The following DPH6 variants were observed in gnomAD, a reference collection of about 807,000 sequenced individuals.
DPH6 encodes the protein diphthamine biosynthesis 6.
Under a neutral mutation model 38.2 loss-of-function variants are expected in DPH6, and 33 were observed. That is an observed-to-expected ratio of 0.86 (90% CI 0.65 to 1.15). The LOEUF (loss-of-function observed/expected upper bound fraction) is 1.15. DPH6 is among the 50% of genes most tolerant of loss of function. DPH6 has a pLI of 0.00. For missense variants in DPH6, 325 were observed against 320.0 expected, an observed-to-expected ratio of 1.02 and a Z score of -0.12; for synonymous variants, 108 against 103.0, an observed-to-expected ratio of 1.05 and a Z score of -0.30.
intron 3 of DPH6, among the ~76,000 whole-genome samples, chr15:35,245,314 C>A (rs998322224): frequency 1.4e-5 from 2 of 143,330 alleles, no homozygotes; most frequent in South Asian, 4.5e-4. Context: ...TCTCGGCTCA[C>A]TGCAAGCTCC....
At chr15:35,355,447 T>G (rs1276299583) in intron 3 of DPH6, among the ~76,000 whole-genome samples, 1 of 152,234 alleles carries the variant, frequency 6.6e-6, no homozygotes, top group African/African-American at 2.4e-5. Flanking sequence ...CCATGTTTAG[T>G]GCTTCCTTCA....
chr15:35,386,154 A>G (rs1200162293), intron 6 of DPH6, among the ~76,000 whole-genome samples: 5 of 152,186 alleles, frequency 3.3e-5, no homozygotes, highest in Admixed American at 6.5e-5. Context: ...AGCTTCATCC[A>G]TGTCCCTACA....
intron 3 of DPH6, chr15:35,489,398 T>G: frequency 1.0e-6 from 1 of 985,418 alleles, no homozygotes; most frequent in Non-Finnish European, 1.2e-6. Context: ...TGAAACTTTT[T>G]GAATCTTAAA....
rs566064408 is a variant in DPH6, at chr15:35,357,843, A to G, written n.207+15678T>C. On this transcript the variant is annotated intron_variant and non_coding_transcript_variant, in intron 3 of 3. Transcript: ENST00000558973. ...CTTTCCTTTGTCTTAACTTTGGATGACCTGATGACAATGTGCATAGGTGAA... is the reference window on the plus strand; with the variant it reads ...CTTTCCTTTGTCTTAACTTTGGATGGCCTGATGACAATGTGCATAGGTGAA... 5.9e-5 allele frequency among the ~76,000 whole-genome samples: 9 copies of G among 152,324 alleles called. No individual in the cohort carries two copies. The South Asian group carries it at 1.2e-3, about 21-fold the overall frequency.
chr15:35,306,488 G>A (rs1001310290), intron 3 of DPH6, among the ~76,000 whole-genome samples: 3 of 152,136 alleles, frequency 2.0e-5, no homozygotes, highest in African/African-American at 4.8e-5. Context: ...GGCTCTGTTA[G>A]GCTATCAGGC....
At chr15:35,230,546 CA>C (rs2051510168) in intron 3 of DPH6, among the ~76,000 whole-genome samples, 1 of 152,132 alleles carries the variant, frequency 6.6e-6, no homozygotes, top group African/African-American at 2.4e-5. Flanking sequence ...ATCCAAGGTG[CA>C]AGACAAAGTC....
chr15:35,391,023 G>A (rs2053048317), intron 6 of DPH6, among the ~76,000 whole-genome samples: 1 of 152,180 alleles, frequency 6.6e-6, no homozygotes, highest in South Asian at 2.1e-4. Flanking sequence ...GGTTTTTGGT[G>A]TGGATGTCCT....
At chr15:35,145,852 T>C in the DPH6 span, among the ~76,000 whole-genome samples, 1 of 152,220 alleles carries the variant, frequency 6.6e-6, no homozygotes, top group African/African-American at 2.4e-5. Flanking sequence ...CTATCTACAT[T>C]GTTTTGAGGC....
intron 3 of DPH6, among the ~76,000 whole-genome samples, chr15:35,306,571 C>T (rs187284263): frequency 1.3e-5 from 2 of 152,332 alleles, no homozygotes; most frequent in Admixed American, 1.3e-4. Context: ...AATTCTAAAC[C>T]TATTGCCTTA....
intron 4 of DPH6, among the ~76,000 whole-genome samples, chr15:35,451,590 C>T (rs6495771): frequency 0.99 from 151,334 of 152,344 alleles, 75,172 homozygotes; most frequent in Middle Eastern, 1. Flanking sequence ...TCCTCACTAA[C>T]ACCACTGCTA....
At chr15:35,339,212 A>G (rs891788466) in intron 3 of DPH6, among the ~76,000 whole-genome samples, 9 of 151,408 alleles carry the variant, frequency 5.9e-5, no homozygotes, top group South Asian at 4.2e-4. Flanking sequence ...AAATATATAA[A>G]TTTCCCTCTT....
At chr15:35,502,257 C>T (rs2054636961) in intron 3 of DPH6, among the ~76,000 whole-genome samples, 2 of 151,676 alleles carry the variant, frequency 1.3e-5, no homozygotes, top group South Asian at 4.2e-4. Context: ...TGGGAGATGG[C>T]TACTGAGGAT....
intron 3 of DPH6, among the ~76,000 whole-genome samples, chr15:35,337,566 T>C (rs2052383598): frequency 6.6e-6 from 1 of 152,178 alleles, no homozygotes; most frequent in Non-Finnish European, 1.5e-5. Context: ...TCCATGCTCA[T>C]GGGTAGGAGG....
intron 3 of DPH6, among the ~76,000 whole-genome samples, chr15:35,332,243 TG>T (rs1254472319): frequency 6.6e-6 from 1 of 152,182 alleles, no homozygotes; most frequent in African/African-American, 2.4e-5. Context: ...ATCATATTTT[TG>T]GTGTGTGAGT....
chr15:35,373,003 A>G (rs2052732731), intron 8 of DPH6, among the ~76,000 whole-genome samples: 1 of 152,016 alleles, frequency 6.6e-6, no homozygotes, highest in South Asian at 2.1e-4. Flanking sequence ...ATATCTTTAA[A>G]TTAAAATTTT....
At chr15:35,400,154 C>T (rs1020742712) in intron 6 of DPH6, among the ~76,000 whole-genome samples, 9 of 152,066 alleles carry the variant, frequency 5.9e-5, no homozygotes, top group African/African-American at 1.9e-4. Context: ...ATGAGTGTAG[C>T]GCTGAATTTG....
chr15:35,173,641 C>T, the DPH6 span, among the ~76,000 whole-genome samples: 1 of 151,908 alleles, frequency 6.6e-6, no homozygotes. Context: ...TCAGGCCTTA[C>T]AGAGTCTGTC....
At chr15:35,162,708 A>T in the DPH6 span, among the ~76,000 whole-genome samples, 65 of 151,978 alleles carry the variant, frequency 4.3e-4, no homozygotes, top group African/African-American at 1.5e-3. Flanking sequence ...AAACTCCATG[A>T]AGACAAGATG....
At chr15:35,342,036 G>A (rs1021757375) in intron 3 of DPH6, among the ~76,000 whole-genome samples, 1 of 152,206 alleles carries the variant, frequency 6.6e-6, no homozygotes, top group Non-Finnish European at 1.5e-5. Context: ...ATCTCAGGCA[G>A]ACTCCAGCCT....
Sources: allele counts gnomAD v4.1 joint callset (sites outside exome capture counted in the v4.1 genomes callset), GRCh38; gene constraint gnomAD v4.1.1; transcripts MANE v1.5; gene names NCBI Gene and HGNC (gene_info 2026-07-23, HGNC 2026-07-21).